PPP2R2D: variants seen among roughly 807,000 people sequenced by gnomAD.
The protein encoded by PPP2R2D is serine/threonine-protein phosphatase 2A 55 kDa regulatory subunit B delta isoform.
PPP2R2D carries 9 observed loss-of-function variants against 31.1 expected under a neutral mutation model. The ratio of observed to expected loss-of-function variants is 0.29; its 90% confidence interval spans 0.17 to 0.51. PPP2R2D has a LOEUF of 0.51. Ranked by LOEUF, PPP2R2D falls within the 20% of genes least tolerant of loss-of-function variation. The probability of loss-of-function intolerance (pLI) is 0.98; values close to 1 mark genes in which losing one functional copy is unlikely to be tolerated. For missense variants in PPP2R2D, 391 were observed against 465.6 expected, an observed-to-expected ratio of 0.84 and a Z score of 1.48; for synonymous variants, 179 against 172.6, an observed-to-expected ratio of 1.04 and a Z score of -0.29.
downstream of PPP2R2D, among the ~76,000 whole-genome samples, chr10:131,962,983 T>G (rs2036943126): frequency 6.6e-6 from 1 of 152,162 alleles, no homozygotes; most frequent in Admixed American, 6.5e-5. Context: ...GCCATCATAG[T>G]GAAACCCCGT....
At chr10:131,913,940 G>A (rs1186582867) in intron 2 of PPP2R2D, among the ~76,000 whole-genome samples, 7 of 152,222 alleles carry the variant, frequency 4.6e-5, no homozygotes, top group Admixed American at 2.6e-4. Context: ...GAATGCAGCC[G>A]TGTGAAGACA....
chr10:131,929,206 C>T (rs1395295285), intron 2 of PPP2R2D, among the ~76,000 whole-genome samples: 2 of 152,198 alleles, frequency 1.3e-5, no homozygotes, highest in Non-Finnish European at 2.9e-5. Context: ...TGCTCAGGCG[C>T]CCCCTCCTGA....
intron 2 of PPP2R2D, among the ~76,000 whole-genome samples, chr10:131,915,260 T>C (rs1554892916): frequency 6.6e-6 from 1 of 152,122 alleles, no homozygotes. Flanking sequence ...GCCTTACGTG[T>C]ACCAGTGCGT....
intron 2 of PPP2R2D, among the ~76,000 whole-genome samples, chr10:131,922,948 G>A (rs1257552199): frequency 1.3e-5 from 2 of 152,142 alleles, no homozygotes; most frequent in African/African-American, 4.8e-5. Flanking sequence ...CAAGTTGTGA[G>A]GCCCTTTTAG....
chr10:131,962,705 C>T (rs2036940652), downstream of PPP2R2D, among the ~76,000 whole-genome samples: 1 of 152,178 alleles, frequency 6.6e-6, no homozygotes, highest in Admixed American at 6.5e-5. Flanking sequence ...CTGGCAGGGG[C>T]TGCCTGCACT....
intron 2 of PPP2R2D, among the ~76,000 whole-genome samples, chr10:131,913,575 G>A (rs1255409211): frequency 6.6e-6 from 1 of 152,188 alleles, no homozygotes; most frequent in Non-Finnish European, 1.5e-5. Context: ...TGGGACAAAA[G>A]GCGATTGGTG....
chr10:131,911,168 T>C (rs1399154580), intron 2 of PPP2R2D, among the ~76,000 whole-genome samples: 5 of 152,206 alleles, frequency 3.3e-5, no homozygotes, highest in Non-Finnish European at 7.3e-5. Flanking sequence ...GGGGGCAGTC[T>C]TGTGGGACAG....
intron 8 of PPP2R2D, among the ~76,000 whole-genome samples, chr10:131,954,967 T>C (rs2036767452): frequency 6.6e-6 from 1 of 152,246 alleles, no homozygotes; most frequent in African/African-American, 2.4e-5. Context: ...ATCATTCAGC[T>C]ATTTTTCTGT....
chr10:131,917,320 G>A (rs2035823895), intron 2 of PPP2R2D, among the ~76,000 whole-genome samples: 5 of 137,578 alleles, frequency 3.6e-5, no homozygotes, highest in South Asian at 2.6e-4. Flanking sequence ...ATGACACAGT[G>A]TAGGGACCTC....
intron 8 of PPP2R2D, among the ~76,000 whole-genome samples, chr10:131,953,355 G>A (rs1281816431): frequency 3.1e-5 from 2 of 63,836 alleles, no homozygotes; most frequent in African/African-American, 1.3e-4. Context: ...TTCCAGTTGT[G>A]CGGGGGGTTC....
chr10:131,906,565 C>T (rs905473863), intron 2 of PPP2R2D, among the ~76,000 whole-genome samples: 1 of 151,902 alleles, frequency 6.6e-6, no homozygotes, highest in Admixed American at 6.6e-5. Context: ...TTTTAAGTCG[C>T]AGAAAGGTAA....
chr10:131,952,935 G>T lies in PPP2R2D; in HGVS notation c.1083-2749G>T, dbSNP rs190917263. Among the ~76,000 whole-genome samples, 462 of 71,232 alleles carry T rather than the reference G, an allele frequency of 6.5e-3. 27 individuals carry two copies. Among genetic ancestry groups the T allele is most frequent in the African/African-American group, 0.027 (432 of 16,180 alleles). The allele number at this position is 71,232 out of a possible 152,430, so 46.7% of individuals were successfully genotyped here. The stretch of plus-strand genomic sequence containing the variant: ...TGTCTTAGCAGTGACTTGCGGGGGG[G>T]GTCCCTGTCTTATCAGTGACTTGCG... On this transcript the variant is annotated intron_variant, in intron 8 of 8. Transcript: ENST00000455566.
chr10:131,971,098 G>A, the PPP2R2D span: 6 of 849,904 alleles, frequency 7.1e-6, no homozygotes, highest in African/African-American at 1.7e-5. Flanking sequence ...TCAGTGCCTC[G>A]GACCGTGGTC....
intron 5 of PPP2R2D, among the ~76,000 whole-genome samples, chr10:131,942,613 T>A (rs1466941427): frequency 6.6e-6 from 1 of 152,168 alleles, no homozygotes; most frequent in Non-Finnish European, 1.5e-5. Context: ...ATACCTGTAA[T>A]CCCAGCACTT....
intron 8 of PPP2R2D, 54 bp from the exon 9 acceptor site, chr10:131,955,630 T>C (rs1350537114): frequency 7.4e-7 from 1 of 1,354,126 alleles, no homozygotes; most frequent in African/African-American, 1.5e-5. Flanking sequence ...GTCTGAGTCC[T>C]TGCTGCCGCT....
At chr10:131,970,588 A>C in the PPP2R2D span, 1 of 1,595,398 alleles carries the variant, frequency 6.3e-7, no homozygotes, top group Admixed American at 1.7e-5. This position sits in a 1 kb window ranked among gnomAD's most constrained non-coding sequence, Gnocchi z 4.1. Flanking sequence ...TGCAACCCAG[A>C]ATCGCCCCAC....
Position 131,957,371 on chromosome 10 carries a change from G to A in PPP2R2D, c.*1408G>A. On this transcript the variant is annotated 3_prime_UTR_variant, in exon 9 of 9. Transcript: ENST00000455566. ...CTGATCCCCTGTGCCCTGTGGAGAT[G>A]GAGGTGTGTGCTGCTCCCTCGTGCC... The A allele has an allele frequency of 2.4e-5, 5 of 206,156 alleles. No homozygotes were observed. The highest frequency in any genetic ancestry group is 1.7e-4 in the East Asian group (1 of 5,924). 12.8% of individuals were successfully genotyped at this position (206,156 alleles called of 1,614,324 possible). A position where few individuals can be genotyped will look rare whatever the true frequency, so the allele number is the denominator to read the frequency against.
chr10:131,965,953 T>C, the PPP2R2D span, among the ~76,000 whole-genome samples: 1 of 152,244 alleles, frequency 6.6e-6, no homozygotes, highest in Non-Finnish European at 1.5e-5. Flanking sequence ...CTCGAGTCTC[T>C]ATGCGTGGGC....
downstream of PPP2R2D, among the ~76,000 whole-genome samples, chr10:131,960,921 G>A (rs554978260): frequency 1.2e-4 from 19 of 152,342 alleles, no homozygotes; most frequent in South Asian, 2.1e-3. Flanking sequence ...GTATGAGGGC[G>A]TGGCTCTGCT....
Sources: gnomAD v4.1 joint callset for allele counts (sites outside exome capture counted in the v4.1 genomes callset) on GRCh38, gnomAD v4.1.1 for gene constraint, Gnocchi (gnomAD v3.1) non-coding constraint, MANE v1.5 for transcripts, NCBI Gene and HGNC (gene_info 2026-07-23, HGNC 2026-07-21) for gene names.